NKD1: variants seen among roughly 807,000 people sequenced by gnomAD.
NKD1 encodes the protein NKD inhibitor of Wnt signaling pathway 1.
A neutral mutation model predicts 56.0 loss-of-function variants in NKD1; 21 were observed. That is an observed-to-expected ratio of 0.38 (90% CI 0.27 to 0.54). The LOEUF (loss-of-function observed/expected upper bound fraction) is 0.54, where lower values mean the gene tolerates loss of function less well. Among genes scored for constraint, NKD1 ranks in the 20% least tolerant of loss-of-function variants. NKD1 has a pLI of 0.82. For missense variants in NKD1, 578 were observed against 642.7 expected, an observed-to-expected ratio of 0.90 and a Z score of 1.09; for synonymous variants, 263 against 265.7, an observed-to-expected ratio of 0.99 and a Z score of 0.10.
intron 3 of NKD1, chr16:50,606,113 A>G (rs1458993820): frequency 6.7e-6 from 1 of 149,674 alleles, no homozygotes; most frequent in African/African-American, 2.5e-5. Context: ...GCTGGAGTGC[A>G]GTGGCGCAAT....
intron 3 of NKD1, among the ~76,000 whole-genome samples, chr16:50,585,140 GAGA>G (rs1961200290): frequency 1.3e-5 from 2 of 152,306 alleles, no homozygotes; most frequent in East Asian, 1.9e-4. Context: ...CCAGTCCCTG[GAGA>G]AGGTCACAAA....
intron 4 of NKD1, among the ~76,000 whole-genome samples, chr16:50,612,833 C>G (rs112529171): frequency 1.5e-4 from 23 of 152,186 alleles, no homozygotes; most frequent in African/African-American, 5.5e-4. Flanking sequence ...GTGGTTCTGC[C>G]CAGATGGTTG....
intron 3 of NKD1, among the ~76,000 whole-genome samples, chr16:50,585,053 T>C (rs187224124): frequency 1.9e-4 from 29 of 152,324 alleles, no homozygotes; most frequent in African/African-American, 7.0e-4. Context: ...AGATTTGGGG[T>C]ATGCTGCTTT....
In NKD1 at chr16:50,632,247, G is replaced by A. The variant is rs1383755127; in HGVS notation, c.696-34G>A. The A allele has an allele frequency of 1.9e-6, 3 of 1,612,638 alleles. No individual in the cohort carries two copies. Among genetic ancestry groups the A allele is most frequent in the Non-Finnish European group, 1.7e-6 (2 of 1,179,024 alleles). On this transcript the variant is annotated intron_variant, in intron 8 of 9. Coordinates refer to ENST00000268459, the MANE Select transcript of NKD1 (RefSeq NM_033119.5). This position sits in a 1 kb window ranked among gnomAD's most constrained non-coding sequence, Gnocchi z 4.1. Reference sequence around the variant, plus strand: ...TGCGCTTGCCCCCACCTGGTGGTTGGTGTTATCCCACTCACTTGCCTCCCC... The same window carrying A: ...TGCGCTTGCCCCCACCTGGTGGTTGATGTTATCCCACTCACTTGCCTCCCC...
chr16:50,630,144 T>G (rs1269209993), intron 6 of NKD1, 42 bp from the exon 7 acceptor site: 1 of 1,600,244 alleles, frequency 6.2e-7, no homozygotes, highest in Non-Finnish European at 8.5e-7. Flanking sequence ...CAAGGCCCTG[T>G]GACTGAAACC....
intron 3 of NKD1, among the ~76,000 whole-genome samples, chr16:50,590,198 T>G (rs988568624): frequency 2.6e-5 from 4 of 152,156 alleles, no homozygotes; most frequent in Non-Finnish European, 5.9e-5. Flanking sequence ...CCAATCCAGC[T>G]TTCCCATTTT....
At chr16:50,628,111 A>C (rs1238381751) in intron 6 of NKD1, among the ~76,000 whole-genome samples, 1 of 152,080 alleles carries the variant, frequency 6.6e-6, no homozygotes, top group African/African-American at 2.4e-5. Flanking sequence ...TCTCAAACTT[A>C]TGGCCCCCAC....
At chr16:50,580,061 C>T (rs913811192) in intron 3 of NKD1, among the ~76,000 whole-genome samples, 2 of 152,080 alleles carry the variant, frequency 1.3e-5, no homozygotes, top group Non-Finnish European at 2.9e-5. Flanking sequence ...TTGGTCCCAC[C>T]GGCTAGTCGC....
chr16:50,556,717 T>A (rs543027581), intron 3 of NKD1: 1 of 151,028 alleles, frequency 6.6e-6, no homozygotes, highest in South Asian at 2.1e-4. Context: ...CATTCATGCA[T>A]CTGCAGTAGG....
intron 5 of NKD1, 120 bp downstream of exon 5, chr16:50,621,828 G>C: frequency 1.4e-6 from 1 of 724,904 alleles, no homozygotes. Flanking sequence ...TGCATGAACA[G>C]CACCCTCTGT....
rs185473746 is a variant in NKD1, at chr16:50,639,818, T to A, written c.*6037T>A. 2 of 152,294 alleles carry A rather than the reference T, an allele frequency of 1.3e-5. No homozygotes were observed. The highest frequency in any genetic ancestry group is 1.3e-4 in the Admixed American group (2 of 15,296). 9.4% of individuals were successfully genotyped at this position (152,294 alleles called of 1,614,324 possible). On this transcript the variant is annotated 3_prime_UTR_variant, in exon 10 of 10. Coordinates refer to ENST00000268459, the MANE Select transcript of NKD1 (RefSeq NM_033119.5). ...GGCCCCTGGTGCATGGACCACACACTCTCTTCCCTCCTCTGGCTCAGGACT... is the reference window on the plus strand; with the variant it reads ...GGCCCCTGGTGCATGGACCACACACACTCTTCCCTCCTCTGGCTCAGGACT...
intron 4 of NKD1, among the ~76,000 whole-genome samples, chr16:50,611,643 C>A (rs1361292918): frequency 6.6e-6 from 1 of 152,170 alleles, no homozygotes; most frequent in African/African-American, 2.4e-5. Flanking sequence ...GAGCTCGGGG[C>A]CTGTTCAGCT....
intron 4 of NKD1, among the ~76,000 whole-genome samples, chr16:50,610,109 T>C (rs2151275860): frequency 6.6e-6 from 1 of 152,280 alleles, no homozygotes; most frequent in South Asian, 2.1e-4. Flanking sequence ...GGCTGGAGGA[T>C]CGCTTGAGCT....
At chr16:50,549,826 T>TGTC (rs1960337651) in intron 3 of NKD1, among the ~76,000 whole-genome samples, 1 of 152,118 alleles carries the variant, frequency 6.6e-6, no homozygotes, top group Admixed American at 6.5e-5. Context: ...ATCGTGTCTG[T>TGTC]ACCGGCGGGA....
intron 3 of NKD1, among the ~76,000 whole-genome samples, chr16:50,550,300 A>G (rs1044061063): frequency 2.6e-5 from 4 of 151,844 alleles, no homozygotes; most frequent in African/African-American, 9.7e-5. Flanking sequence ...GTCTGCGTGG[A>G]ACTCGCGCAA....
At chr16:50,575,210 C>T (rs779696945) in intron 3 of NKD1, 106 of 985,054 alleles carry the variant, frequency 1.1e-4, no homozygotes, top group Non-Finnish European at 1.2e-4. Flanking sequence ...TTGCTCAGAT[C>T]AAGTTCTTTA....
chr16:50,633,436 G>C lies in NKD1; in HGVS notation c.1068G>C (p.Val356=), dbSNP rs140631227. Residue 356 remains valine, a synonymous_variant, in exon 10 of 10, where the codon GTG becomes GTC. Transcript: ENST00000268459. The surrounding 1 kb of genome is among the most constrained non-coding windows in gnomAD (Gnocchi z 4.9). The part of the protein sequence containing the change: ...VRSPKAQGKS[V]GVGHVARGAR... ...CCCCCAAGGCCCAGGGCAAGAGTGT[G>C]GGTGTGGGCCACGTGGCCAGAGGGG... 1.2e-6 allele frequency: 2 copies of C among 1,611,308 alleles called. No homozygotes were observed. The highest frequency in any genetic ancestry group is 2.7e-5 in the African/African-American group (2 of 74,886).
chr16:50,549,143 G>A (rs1960314088), intron 2 of NKD1: 1 of 154,296 alleles, frequency 6.5e-6, no homozygotes, highest in South Asian at 2.1e-4. Context: ...CTCCTCCGCA[G>A]TCCTGGCTGC....
chr16:50,640,717 CA>C lies in NKD1; in HGVS notation c.*6939del, dbSNP rs1962563130. The C allele has an allele frequency of 3.3e-5, 5 of 152,022 alleles. No individual in the cohort carries two copies. The South Asian group carries it at 1.0e-3, about 32-fold the overall frequency. The allele number at this position is 152,022 out of a possible 1,614,324, so 9.4% of individuals were successfully genotyped here. A position where few individuals can be genotyped will look rare whatever the true frequency, so the allele number is the denominator to read the frequency against. On this transcript the variant is annotated 3_prime_UTR_variant, in exon 10 of 10. Transcript: ENST00000268459. The stretch of plus-strand genomic sequence containing the variant: ...GGAGTTTTACAAAGCAGTCACATTT[CA>C]AATAAAAGTCTGGGAAAGCAACACA...
Sources: allele counts gnomAD v4.1 joint callset (sites outside exome capture counted in the v4.1 genomes callset), GRCh38; gene constraint gnomAD v4.1.1; non-coding constraint Gnocchi (gnomAD v3.1); transcripts MANE v1.5; gene names NCBI Gene and HGNC (gene_info 2026-07-23, HGNC 2026-07-21).